The following GUCY1A1 variants were observed in gnomAD, a reference collection of about 807,000 sequenced individuals.
The protein encoded by GUCY1A1 is guanylate cyclase 1 soluble subunit alpha 1.
In GUCY1A1, 48 loss-of-function variants were observed where a neutral mutation model predicts 64.5. The ratio of observed to expected loss-of-function variants is 0.74; its 90% CI spans 0.59 to 0.95. The LOEUF is 0.95. Ranked by LOEUF, GUCY1A1 falls within the 40% of genes least tolerant of loss-of-function variation. The pLI, the probability that GUCY1A1 is intolerant of heterozygous loss-of-function variation, is 0.00. For missense variants in GUCY1A1, 804 were observed against 825.3 expected (o/e 0.97, Z 0.32); for synonymous variants, 308 against 303.4 (o/e 1.02, Z -0.16).
Position 155,731,368 on chromosome 4 carries a change from T to C in GUCY1A1, c.*1137T>C, listed in dbSNP as rs1314026681. 6.6e-6 allele frequency: 1 copy of C among 151,536 alleles called. No individual in the cohort carries two copies. The highest frequency in any genetic ancestry group is 6.6e-5 in the Admixed American group (1 of 15,178). 9.4% of individuals were successfully genotyped at this position (151,536 alleles called of 1,614,324 possible). A position where few individuals can be genotyped will look rare whatever the true frequency, so the allele number is the denominator to read the frequency against. ...ATGAACTAAGAATCAAGTTTTTGTC[T>C]CATTAAATATACATATATGAAGTGT... On this transcript the variant is annotated 3_prime_UTR_variant, in exon 10 of 10. Transcript: ENST00000506455.
At chr4:155,688,452 A>AT (rs1729305476) in intron 2 of GUCY1A1, among the ~76,000 whole-genome samples, 1 of 152,154 alleles carries the variant, frequency 6.6e-6, no homozygotes. Context: ...CCTAAAAGAA[A>AT]TCTATCAATT....
intron 3 of GUCY1A1, among the ~76,000 whole-genome samples, chr4:155,697,767 A>T (rs1050720496): frequency 1.3e-5 from 2 of 152,166 alleles, no homozygotes; most frequent in African/African-American, 2.4e-5. Context: ...TAGCCCTGCA[A>T]GCTGCATAGC....
In GUCY1A1 at chr4:155,710,718, C is replaced by T; in HGVS notation, c.553C>T (p.Leu185Phe). 1 of 1,614,078 alleles carries T rather than the reference C, an allele frequency of 6.2e-7. No individual in the cohort carries two copies. Among genetic ancestry groups the T allele is most frequent in the Non-Finnish European group, 8.5e-7 (1 of 1,179,986 alleles). ...CCAAGAAGCAGGAAAAAGGGGCAGG[C>T]TTGAGGACGCCTCCATTCTATGCCT... The part of the protein sequence containing the change: ...HCQEAGKRGR[L>F]EDASILCLDK... The change falls in exon 6 of 10, where the codon CTT becomes TTT. Residue 185 changes from leucine (L) to phenylalanine (F), a missense_variant. Leu to Phe is a conservative substitution (Grantham distance 22). Coordinates refer to ENST00000506455, the MANE Select transcript of GUCY1A1 (RefSeq NM_001130682.3).
chr4:155,670,510 C>G (rs1434686196), intron 2 of GUCY1A1, among the ~76,000 whole-genome samples: 1 of 152,062 alleles, frequency 6.6e-6, no homozygotes, highest in Non-Finnish European at 1.5e-5. Context: ...TTCTTCTTCC[C>G]TGGGTTCATG....
At chr4:155,698,671 G>A (rs1242313808) in intron 3 of GUCY1A1, among the ~76,000 whole-genome samples, 1 of 152,138 alleles carries the variant, frequency 6.6e-6, no homozygotes, top group Non-Finnish European at 1.5e-5. Context: ...GCGAGACTCT[G>A]TCTCAACAAC....
chr4:155,683,670 A>T (rs914921748), intron 2 of GUCY1A1, among the ~76,000 whole-genome samples: 1 of 152,324 alleles, frequency 6.6e-6, no homozygotes, highest in African/African-American at 2.4e-5. Flanking sequence ...TATGAAAAAG[A>T]GTCTGGGGCA....
At position 155,731,580 on chromosome 4, in the gene GUCY1A1, C is replaced by A. The variant is rs1054575049; in HGVS notation, c.*1349C>A. On this transcript the variant is annotated 3_prime_UTR_variant, in exon 10 of 10. Coordinates refer to ENST00000506455, the MANE Select transcript of GUCY1A1 (RefSeq NM_001130682.3). ...AGTTTTAGTTAGGTCAGTTGAAGTTCTCTGGTGAACTAAAAAATCTACATT... is the reference window on the plus strand; with the variant it reads ...AGTTTTAGTTAGGTCAGTTGAAGTTATCTGGTGAACTAAAAAATCTACATT... The A allele has an allele frequency of 6.6e-6, 1 of 151,646 alleles. No individual in the cohort carries two copies. The highest frequency in any genetic ancestry group is 1.5e-5 in the Non-Finnish European group (1 of 67,820). The allele number at this position is 151,646 out of a possible 1,614,324, so 9.4% of individuals were successfully genotyped here.
chr4:155,690,745 C>A (rs188596725), intron 2 of GUCY1A1, among the ~76,000 whole-genome samples: 10 of 152,254 alleles, frequency 6.6e-5, no homozygotes, highest in African/African-American at 2.4e-4. Flanking sequence ...ATTCCCAGAG[C>A]ACTATATCCC....
intron 2 of GUCY1A1, among the ~76,000 whole-genome samples, chr4:155,681,353 G>C (rs1735736408): frequency 6.6e-6 from 1 of 151,986 alleles, no homozygotes; most frequent in Admixed American, 6.6e-5. Context: ...TACAAATATA[G>C]GTAACAAAAG....
At chr4:155,680,832 T>G (rs773680718) in intron 2 of GUCY1A1, among the ~76,000 whole-genome samples, 1 of 152,076 alleles carries the variant, frequency 6.6e-6, no homozygotes, top group South Asian at 2.1e-4. Flanking sequence ...GGGTTGGTTT[T>G]GCTACATCTG....
At chr4:155,710,475 G>A (rs1732413709) in intron 5 of GUCY1A1, 67 bp from the exon 6 acceptor site, 1 of 943,662 alleles carries the variant, frequency 1.1e-6, no homozygotes, top group Non-Finnish European at 1.6e-6. Context: ...TTGAAAATAG[G>A]AATAATGGCA....
At chr4:155,676,474 C>T (rs1164216909) in intron 2 of GUCY1A1, among the ~76,000 whole-genome samples, 1 of 151,240 alleles carries the variant, frequency 6.6e-6, no homozygotes, top group Non-Finnish European at 1.5e-5. Context: ...TGTTTCAGCG[C>T]GTCCTGGAAA....
intron 2 of GUCY1A1, among the ~76,000 whole-genome samples, chr4:155,669,733 G>GA (rs887040613): frequency 3.3e-5 from 5 of 151,954 alleles, no homozygotes; most frequent in African/African-American, 1.2e-4. Flanking sequence ...AAATGAAATT[G>GA]AAAAAAATTA....
rs149661061 is a variant in GUCY1A1 at position 155,712,576 on chromosome 4, T to C, written c.1087-522T>C. Among the ~76,000 whole-genome samples the C allele has an allele frequency of 2.7e-3, 408 of 152,248 alleles. 3 individuals are homozygous for C. Among genetic ancestry groups the C allele is most frequent in the African/African-American group, 9.3e-3 (386 of 41,526 alleles). On this transcript the variant is annotated intron_variant, in intron 6 of 9. Coordinates refer to ENST00000506455, the MANE Select transcript of GUCY1A1 (RefSeq NM_001130682.3). ...GAAAAAAAAATTAAGATAAAAATCT[T>C]ACCTTTGGAGGCTTTTTCACTTCCA...
intron 7 of GUCY1A1, 51 bp downstream of exon 7, chr4:155,713,634 AC>A: frequency 1.9e-6 from 3 of 1,580,774 alleles, no homozygotes; most frequent in Non-Finnish European, 2.6e-6. Context: ...TCACTGGGGA[AC>A]AAGCACTGTG....
intron 2 of GUCY1A1, among the ~76,000 whole-genome samples, chr4:155,670,342 T>G (rs544798351): frequency 6.6e-6 from 1 of 152,242 alleles, no homozygotes; most frequent in Non-Finnish European, 1.5e-5. Flanking sequence ...TTTGGGTGTC[T>G]ACATCTTGAC....
intron 4 of GUCY1A1, among the ~76,000 whole-genome samples, chr4:155,707,996 GC>G (rs1466401782): frequency 2.0e-5 from 3 of 151,904 alleles, no homozygotes; most frequent in Non-Finnish European, 2.9e-5. Context: ...ACGCCACCAT[GC>G]CCAGCTAATT....
Position 155,731,188 on chromosome 4 carries a change from T to C in GUCY1A1, c.*957T>C, listed in dbSNP as rs1256153162. ...ACGTGCAGGCACACTTGGAACAATATGGACCCACTTCAGCAGACATCTTCT... is the reference window on the plus strand; with the variant it reads ...ACGTGCAGGCACACTTGGAACAATACGGACCCACTTCAGCAGACATCTTCT... On this transcript the variant is annotated 3_prime_UTR_variant, in exon 10 of 10. Coordinates refer to ENST00000506455, the MANE Select transcript of GUCY1A1 (RefSeq NM_001130682.3). 1 of 151,994 alleles carries C rather than the reference T, an allele frequency of 6.6e-6. No homozygotes were observed. 9.4% of individuals were successfully genotyped at this position (151,994 alleles called of 1,614,324 possible).
intron 2 of GUCY1A1, among the ~76,000 whole-genome samples, chr4:155,674,436 T>C (rs529781424): frequency 6.6e-6 from 1 of 151,068 alleles, no homozygotes; most frequent in East Asian, 1.9e-4. Flanking sequence ...AGTGAAGTTA[T>C]GTGGAGAGTA....
Sources: allele counts gnomAD v4.1 joint callset (sites outside exome capture counted in the v4.1 genomes callset), GRCh38; gene constraint gnomAD v4.1.1; transcripts MANE v1.5; gene names NCBI Gene and HGNC (gene_info 2026-07-23, HGNC 2026-07-21).